CCDC141: variants seen among roughly 807,000 people sequenced by gnomAD.
The protein encoded by CCDC141 is coiled-coil domain-containing protein 141.
Under a neutral mutation model 181.0 loss-of-function variants are expected in CCDC141, and 168 were observed. The ratio of observed to expected loss-of-function variants is 0.93; its 90% CI spans 0.82 to 1.05. The LOEUF is 1.05. Among genes scored for constraint, CCDC141 ranks in the 50% least tolerant of loss-of-function variants. The pLI, the probability that CCDC141 is intolerant of heterozygous loss-of-function variation, is 0.00. For synonymous variants in CCDC141, 666 were observed against 642.3 expected, an observed-to-expected ratio of 1.04 and a Z score of -0.56; for missense variants, 1,902 against 1,788.5, an observed-to-expected ratio of 1.06 and a Z score of -1.14.
intron 4 of CCDC141, among the ~76,000 whole-genome samples, chr2:178,963,060 C>G (rs537951317): frequency 6.6e-6 from 1 of 152,292 alleles, no homozygotes; most frequent in African/African-American, 2.4e-5. Context: ...ATGACTGCAC[C>G]CAGCACTTAG....
Position 178,918,792 on chromosome 2 carries a change from T to C in CCDC141, c.1013A>G (p.Gln338Arg). The C allele has an allele frequency of 6.4e-7, 1 of 1,550,650 alleles. No individual in the cohort carries two copies. The highest frequency in any genetic ancestry group is 1.4e-5 in the African/African-American group (1 of 73,178). Residue 338 changes from glutamine to arginine, a missense_variant, in exon 7 of 24, where the codon CAA becomes CGA. By Grantham distance (43) the Gln-to-Arg change is conservative (BLOSUM62 1). Transcript: ENST00000443758. ...CACCATGAGTTGACCAAATTCTTCTTGAAGCTGACTGAGTTTCTGGTGAGA... is the reference window on the plus strand; with the variant it reads ...CACCATGAGTTGACCAAATTCTTCTCGAAGCTGACTGAGTTTCTGGTGAGA... ...QLSHQKLSQL[Q>R]EEFGQLMVER...
At chr2:178,942,615 A>T (rs144264289) in intron 6 of CCDC141, among the ~76,000 whole-genome samples, 2 of 152,194 alleles carry the variant, frequency 1.3e-5, no homozygotes, top group Non-Finnish European at 2.9e-5. Context: ...CCAAACCCAT[A>T]GAATGTACAA....
In CCDC141 at chr2:178,951,651, G is replaced by T. The variant is rs578237370; in HGVS notation, c.781-7000C>A. 6.6e-5 allele frequency among the ~76,000 whole-genome samples: 10 copies of T among 152,312 alleles called. No homozygotes were observed. In the South Asian group the frequency reaches 2.1e-3, roughly 32 times the overall value. On this transcript the variant is annotated intron_variant, in intron 5 of 23. Coordinates refer to ENST00000443758, the MANE Select transcript of CCDC141 (RefSeq NM_173648.4). Reference sequence around the variant, plus strand: ...GAAAATGATTTCTACTCCCTGGCTAGTTTGGGATGGTGGCAGGAGAAAAGA... The same window carrying T: ...GAAAATGATTTCTACTCCCTGGCTATTTTGGGATGGTGGCAGGAGAAAAGA...
chr2:179,049,893 T>C lies in CCDC141; in HGVS notation c.49A>G (p.Ser17Gly), dbSNP rs1179310848. 28 of 1,550,718 alleles carry C rather than the reference T, an allele frequency of 1.8e-5. No individual in the cohort carries two copies. In the South Asian group the frequency reaches 3.2e-4, roughly 18 times the overall value. The change falls in exon 1 of 24, where the codon AGT (serine) becomes GGT (glycine). Residue 17 changes from serine to glycine, a missense_variant. Coordinates refer to ENST00000443758, the MANE Select transcript of CCDC141 (RefSeq NM_173648.4). ...PSVALSTTTV[S>G]SVAVQAGDSK... ...TCCCCAGCCTGCACAGCAACTGAACTGACTGTCGTCGTAGAAAGCGCAACA... is the reference window on the plus strand; with the variant it reads ...TCCCCAGCCTGCACAGCAACTGAACCGACTGTCGTCGTAGAAAGCGCAACA...
chr2:179,009,417 G>A (rs2042204582), intron 2 of CCDC141, among the ~76,000 whole-genome samples: 1 of 152,138 alleles, frequency 6.6e-6, no homozygotes, highest in Non-Finnish European at 1.5e-5. Flanking sequence ...GTCTAGGGCT[G>A]AAGGCTGTTG....
At chr2:178,956,883 C>CT (rs71393449) in intron 5 of CCDC141, among the ~76,000 whole-genome samples, 1,752 of 145,602 alleles carry the variant, frequency 0.012, 37 homozygotes, top group African/African-American at 0.04. Context: ...AATGAGAAAG[C>CT]TTTTTTTTTT....
intron 2 of CCDC141, among the ~76,000 whole-genome samples, chr2:178,983,471 C>T (rs28853716): frequency 0.041 from 6,236 of 152,036 alleles, 351 homozygotes; most frequent in African/African-American, 0.12. Context: ...TGGAGAATGA[C>T]TTTGACGAGC....
chr2:178,974,708 T>C (rs1004298010), intron 4 of CCDC141, among the ~76,000 whole-genome samples: 2 of 152,174 alleles, frequency 1.3e-5, no homozygotes, highest in African/African-American at 4.8e-5. Context: ...CAATGATTTA[T>C]TCAACTAAGA....
chr2:179,036,792 T>C (rs2043157426), intron 2 of CCDC141, among the ~76,000 whole-genome samples: 1 of 152,178 alleles, frequency 6.6e-6, no homozygotes, highest in Non-Finnish European at 1.5e-5. Context: ...TTTACATACA[T>C]AGAAGATGAG....
chr2:178,990,601 G>T (rs1411749325), intron 2 of CCDC141, among the ~76,000 whole-genome samples: 2 of 129,068 alleles, frequency 1.5e-5, no homozygotes, highest in South Asian at 3.1e-4. Context: ...GAGGGGAGGG[G>T]AGGGGAGGGA....
rs867719197 is a variant in CCDC141, at chr2:178,889,193, C to A, written c.1266-525G>T. On this transcript the variant is annotated intron_variant, in intron 8 of 23. Coordinates refer to ENST00000443758, the MANE Select transcript of CCDC141 (RefSeq NM_173648.4). ...CAAGTTATCACCAACAATTAGAAAT[C>A]AAATATACTTGTTGATAAAAAAAAA... 4.2e-5 allele frequency among the ~76,000 whole-genome samples: 5 copies of A among 119,062 alleles called. No individual in the cohort carries two copies. In the South Asian group the frequency reaches 1.3e-3, roughly 31 times the overall value. 78.1% of individuals were successfully genotyped at this position (119,062 alleles called of 152,430 possible).
In CCDC141 at chr2:179,015,380, T is replaced by TC. The variant is rs1473152430; in HGVS notation, c.225+31903dup. ...ATATCCCATATATGTATCATATATA[T>TC]CTCATATATGTATCATATATCTCAT... On this transcript the variant is annotated intron_variant, in intron 2 of 23. Coordinates refer to ENST00000443758, the MANE Select transcript of CCDC141 (RefSeq NM_173648.4). Among the ~76,000 whole-genome samples, 114 of 139,722 alleles carry TC rather than the reference T, an allele frequency of 8.2e-4. 1 individual carries two copies. The highest frequency in any genetic ancestry group is 2.8e-3 in the African/African-American group (106 of 37,982). The allele number at this position is 139,722 out of a possible 152,430, so 91.7% of individuals were successfully genotyped here.
At chr2:179,032,110 A>T (rs777684369) in intron 2 of CCDC141, among the ~76,000 whole-genome samples, 1 of 151,986 alleles carries the variant, frequency 6.6e-6, no homozygotes, top group Non-Finnish European at 1.5e-5. Context: ...TGAAATTTGT[A>T]CCCTGGAAAC....
intron 2 of CCDC141, among the ~76,000 whole-genome samples, chr2:179,006,185 C>T (rs2042118716): frequency 6.6e-6 from 1 of 152,186 alleles, no homozygotes; most frequent in Non-Finnish European, 1.5e-5. Context: ...TGAACAAAGA[C>T]CAGCTTGTTC....
intron 4 of CCDC141, among the ~76,000 whole-genome samples, chr2:178,972,096 A>G (rs1459526849): frequency 6.6e-6 from 1 of 152,062 alleles, no homozygotes; most frequent in Non-Finnish European, 1.5e-5. Flanking sequence ...ACCTAAATAA[A>G]AATAAATTTA....
chr2:179,043,423 G>A (rs1281790267), intron 2 of CCDC141, among the ~76,000 whole-genome samples: 1 of 152,160 alleles, frequency 6.6e-6, no homozygotes, highest in African/African-American at 2.4e-5. Flanking sequence ...AGGCCTTGAT[G>A]AACATTGATG....
chr2:178,860,015 C>A (rs980750119), intron 17 of CCDC141, among the ~76,000 whole-genome samples: 1 of 152,154 alleles, frequency 6.6e-6, no homozygotes, highest in Non-Finnish European at 1.5e-5. Flanking sequence ...GCATTTAATG[C>A]ATTTAAAAAG....
chr2:178,908,794 A>G (rs924231049), intron 7 of CCDC141, among the ~76,000 whole-genome samples: 5 of 152,166 alleles, frequency 3.3e-5, no homozygotes, highest in African/African-American at 1.2e-4. Context: ...ATTTAACCCC[A>G]TTTTCTAATA....
intron 19 of CCDC141, among the ~76,000 whole-genome samples, chr2:178,854,393 G>A (rs768108979): frequency 2.0e-5 from 3 of 152,134 alleles, no homozygotes; most frequent in Non-Finnish European, 2.9e-5. Flanking sequence ...GCGTGGTGGT[G>A]GGCGCCTGTA....
Sources: allele counts gnomAD v4.1 joint callset (sites outside exome capture counted in the v4.1 genomes callset), GRCh38; gene constraint gnomAD v4.1.1; transcripts MANE v1.5; gene names NCBI Gene and HGNC (gene_info 2026-07-23, HGNC 2026-07-21).